Variants in SHISAL1 observed in about 807,000 individuals in gnomAD.
The protein encoded by SHISAL1 is protein shisa-like-1.
Under a neutral mutation model 22.6 loss-of-function variants are expected in SHISAL1, and 9 were observed. The ratio of observed to expected loss-of-function variants is 0.40; its 90% CI spans 0.24 to 0.70. The LOEUF (loss-of-function observed/expected upper bound fraction) is 0.70. Ranked by LOEUF, SHISAL1 falls within the 30% of genes least tolerant of loss-of-function variation. The pLI is 0.39. For synonymous variants in SHISAL1, 119 were observed against 115.4 expected, an observed-to-expected ratio of 1.03 and a Z score of -0.20; for missense variants, 246 against 270.6, an observed-to-expected ratio of 0.91 and a Z score of 0.64.
intron 4 of SHISAL1, among the ~76,000 whole-genome samples, chr22:44,281,782 T>A (rs567617623): frequency 6.6e-6 from 1 of 152,252 alleles, no homozygotes; most frequent in East Asian, 1.9e-4. Context: ...CTGAGTTCAG[T>A]AGCTACTAAG....
chr22:44,247,120 G>C lies in SHISAL1; in HGVS notation c.*2565C>G, dbSNP rs1447187937. 6.6e-6 allele frequency: 1 copy of C among 152,500 alleles called. No individual in the cohort carries two copies. Among genetic ancestry groups the C allele is most frequent in the Non-Finnish European group, 1.5e-5 (1 of 68,318 alleles). 9.4% of individuals were successfully genotyped at this position (152,500 alleles called of 1,614,324 possible). A position where few individuals can be genotyped will look rare whatever the true frequency, so the allele number is the denominator to read the frequency against. ...ATTTGGCAGTGACCTTTGACCCCAG[G>C]TGTCCAGGAGAGGGAGGCAAGGCCA... On this transcript the variant is annotated 3_prime_UTR_variant, in exon 5 of 5. Coordinates refer to ENST00000381176, the MANE Select transcript of SHISAL1 (RefSeq NM_001099294.2).
intron 4 of SHISAL1, among the ~76,000 whole-genome samples, chr22:44,276,576 G>C (rs1288155035): frequency 6.6e-6 from 1 of 152,072 alleles, no homozygotes; most frequent in Non-Finnish European, 1.5e-5. Context: ...GTATGGGGTG[G>C]ATTCTGGCTT....
chr22:44,314,894 G>A (rs29001645), upstream of SHISAL1, among the ~76,000 whole-genome samples: 13,740 of 152,248 alleles, frequency 0.09, 694 homozygotes, highest in Admixed American at 0.13. Flanking sequence ...GCATCTCAGC[G>A]CTATGAGGCT....
intron 4 of SHISAL1, among the ~76,000 whole-genome samples, chr22:44,259,392 C>T (rs1356203771): frequency 2.0e-5 from 3 of 151,708 alleles, no homozygotes; most frequent in East Asian, 1.9e-4. Context: ...GAGCCGATAT[C>T]GCGCCACTGC....
chr22:44,259,492 A>G lies in SHISAL1; in HGVS notation c.*-9807T>C, dbSNP rs180987775. ...AATTATTAAAAAAAAAAAAAGAAAC[A>G]GCCAAAGCCCAGGGGAGCTGGGAAA... On this transcript the variant is annotated intron_variant, in intron 4 of 4. Transcript: ENST00000381176. Among the ~76,000 whole-genome samples, 828 of 151,514 alleles carry G rather than the reference A, an allele frequency of 5.5e-3. 5 individuals are homozygous for G. The highest frequency in any genetic ancestry group is 8.9e-3 in the Non-Finnish European group (605 of 67,868).
chr22:44,327,203 G>T, the SHISAL1 span, among the ~76,000 whole-genome samples: 1 of 150,154 alleles, frequency 6.7e-6, no homozygotes, highest in Non-Finnish European at 1.5e-5. Flanking sequence ...CTACCACCCT[G>T]CCCACCCCCT....
chr22:44,329,440 G>GACGGAC, the SHISAL1 span, among the ~76,000 whole-genome samples: 2 of 144,980 alleles, frequency 1.4e-5, no homozygotes, highest in Admixed American at 6.8e-5. Context: ...GCGAGAATGG[G>GACGGAC]ACACACACAC....
At chr22:44,259,669 G>A (rs1176513955) in intron 4 of SHISAL1, among the ~76,000 whole-genome samples, 2 of 152,220 alleles carry the variant, frequency 1.3e-5, no homozygotes, top group African/African-American at 2.4e-5. Flanking sequence ...GAAGGAAAAG[G>A]ACTTTGGGTT....
At chr22:44,263,484 T>C (rs1346743305) in intron 4 of SHISAL1, among the ~76,000 whole-genome samples, 8 of 152,178 alleles carry the variant, frequency 5.3e-5, no homozygotes, top group Admixed American at 5.2e-4. Flanking sequence ...AAGGAACCTA[T>C]CTGGGGCAAG....
At chr22:44,321,435 CTGCCTCCTCTGGGAGGGTCCCCT>C in the SHISAL1 span, among the ~76,000 whole-genome samples, 2 of 152,184 alleles carry the variant, frequency 1.3e-5, no homozygotes, top group Admixed American at 1.3e-4. Flanking sequence ...TCCTTGGATG[CTGCCTCCTCTGGGAGGGTCCCCT>C]TGATGCTCAG....
chr22:44,284,726 A>T (rs1178019081), intron 4 of SHISAL1, among the ~76,000 whole-genome samples: 1 of 151,742 alleles, frequency 6.6e-6, no homozygotes, highest in Non-Finnish European at 1.5e-5. Context: ...TCCCCTTCCA[A>T]CTCTAGATGC....
chr22:44,295,909 TC>T (rs2147298173), intron 3 of SHISAL1, among the ~76,000 whole-genome samples: 1 of 152,310 alleles, frequency 6.6e-6, no homozygotes, highest in South Asian at 2.1e-4. Flanking sequence ...ACACCTGTGG[TC>T]CCCTCCATCA....
In SHISAL1 at chr22:44,258,473, TTCCGGCC is replaced by T. The variant is rs931184657; in HGVS notation, c.*-8795_*-8789del. 4.6e-5 allele frequency among the ~76,000 whole-genome samples: 7 copies of T among 152,208 alleles called. No homozygotes were observed. The South Asian group carries it at 8.3e-4, about 18-fold the overall frequency. On this transcript the variant is annotated intron_variant, in intron 4 of 4. Coordinates refer to ENST00000381176, the MANE Select transcript of SHISAL1 (RefSeq NM_001099294.2). ...TCCTGGTCCTCTCCCTTCTCCCACC[TTCCGGCC>T]TCCAGTGGGCCCTAGTGTGTATCGT...
intron 4 of SHISAL1, among the ~76,000 whole-genome samples, chr22:44,261,945 G>A (rs1485856926): frequency 6.6e-6 from 1 of 152,220 alleles, no homozygotes; most frequent in Non-Finnish European, 1.5e-5. Flanking sequence ...CCTCACACTA[G>A]GCCTTCCATA....
chr22:44,261,755 G>A (rs2055126092), intron 4 of SHISAL1, among the ~76,000 whole-genome samples: 1 of 152,272 alleles, frequency 6.6e-6, no homozygotes, highest in Non-Finnish European at 1.5e-5. Context: ...ACCCGTGAGT[G>A]CAGGAAACTG....
At chr22:44,258,534 C>T (rs1311959105) in intron 4 of SHISAL1, among the ~76,000 whole-genome samples, 1 of 152,172 alleles carries the variant, frequency 6.6e-6, no homozygotes, top group Non-Finnish European at 1.5e-5. Flanking sequence ...GTGTTCTCAT[C>T]ATTTAGCCCC....
chr22:44,283,890 C>G (rs1314324404), intron 4 of SHISAL1, among the ~76,000 whole-genome samples: 1 of 152,092 alleles, frequency 6.6e-6, no homozygotes, highest in Non-Finnish European at 1.5e-5. Flanking sequence ...AAAGGATCCA[C>G]ATTTCAGAAC....
chr22:44,276,954 C>T (rs567423289), intron 4 of SHISAL1, among the ~76,000 whole-genome samples: 7 of 152,306 alleles, frequency 4.6e-5, no homozygotes, highest in South Asian at 4.1e-4. Flanking sequence ...CAGGACCCTG[C>T]GGTGCAGAGA....
the SHISAL1 span, among the ~76,000 whole-genome samples, chr22:44,320,616 C>G: frequency 6.6e-6 from 1 of 152,234 alleles, no homozygotes; most frequent in Non-Finnish European, 1.5e-5. Flanking sequence ...GAGATGTCTC[C>G]TGATCTTTTC....
Sources: allele counts gnomAD v4.1 joint callset (sites outside exome capture counted in the v4.1 genomes callset), GRCh38; gene constraint gnomAD v4.1.1; transcripts MANE v1.5; gene names NCBI Gene and HGNC (gene_info 2026-07-23, HGNC 2026-07-21).